The following ANKRD46 variants were observed in gnomAD, a reference collection of about 807,000 sequenced individuals.
ANKRD46 encodes ankyrin repeat domain 46, also known as ankyrin repeat domain-containing protein 46.
A neutral mutation model predicts 19.8 loss-of-function variants in ANKRD46; 13 were observed. The observed-to-expected ratio is 0.66, with a 90% CI of 0.43 to 1.04. The LOEUF is 1.04. Among genes scored for constraint, ANKRD46 ranks in the 50% least tolerant of loss-of-function variants. The pLI, the probability that ANKRD46 is intolerant of heterozygous loss-of-function variation, is 0.00. For synonymous variants in ANKRD46, 91 were observed against 106.9 expected (o/e 0.85, Z 0.92); for missense variants, 185 against 274.8 (o/e 0.67, Z 2.31).
downstream of ANKRD46, among the ~76,000 whole-genome samples, chr8:100,519,434 T>G (rs542199096): frequency 6.6e-6 from 1 of 152,356 alleles, no homozygotes; most frequent in African/African-American, 2.4e-5. Flanking sequence ...CTAAAGATTC[T>G]GGATGATGTC....
chr8:100,547,075 G>A (rs1409413633), intron 1 of ANKRD46, among the ~76,000 whole-genome samples: 2 of 152,180 alleles, frequency 1.3e-5, no homozygotes, highest in Non-Finnish European at 2.9e-5. Context: ...TTTGGACTTG[G>A]ACTTTAGGTT....
chr8:100,549,154 CA>C (rs1271242655), intron 1 of ANKRD46, among the ~76,000 whole-genome samples: 7 of 143,594 alleles, frequency 4.9e-5, no homozygotes, highest in African/African-American at 1.8e-4. Flanking sequence ...TTTTTTAAAA[CA>C]TATGGGGTCT....
At chr8:100,528,605 T>C (rs974664622) in intron 3 of ANKRD46, among the ~76,000 whole-genome samples, 2 of 152,036 alleles carry the variant, frequency 1.3e-5, no homozygotes, top group African/African-American at 4.8e-5. Flanking sequence ...GATTCATTCT[T>C]ATTTGATATT....
At chr8:100,528,425 A>G (rs1479650138) in intron 3 of ANKRD46, among the ~76,000 whole-genome samples, 1 of 152,178 alleles carries the variant, frequency 6.6e-6, no homozygotes. Flanking sequence ...ACCAAGGGGA[A>G]AAAAAGGATG....
At position 100,529,723 on chromosome 8, in the gene ANKRD46, G is replaced by A. The variant is rs1405625572; in HGVS notation, c.111C>T (p.Asp37=). Residue 37 remains aspartate, a synonymous_variant, in exon 3 of 5, where the codon GAC becomes GAT. Transcript: ENST00000335659. This position sits in a 1 kb window ranked among gnomAD's most constrained non-coding sequence, Gnocchi z 5.8. ...YSKRLLESGF[D]PNIRDSRGRT... Reference sequence around the variant, plus strand: ...TGCCCCTGCTGTCACGAATATTTGGGTCAAAGCCACTTTCCAAAAGCCGCT... The same window carrying A: ...TGCCCCTGCTGTCACGAATATTTGGATCAAAGCCACTTTCCAAAAGCCGCT... The A allele has an allele frequency of 1.2e-6, 2 of 1,614,196 alleles. No individual in the cohort carries two copies. Among genetic ancestry groups the A allele is most frequent in the East Asian group, 2.2e-5 (1 of 44,888 alleles).
chr8:100,519,181 C>A (rs1223997910), downstream of ANKRD46, among the ~76,000 whole-genome samples: 3 of 152,188 alleles, frequency 2.0e-5, no homozygotes, highest in Non-Finnish European at 4.4e-5. Context: ...GTTCATCAAT[C>A]CAGGCCTAAG....
intron 1 of ANKRD46, among the ~76,000 whole-genome samples, chr8:100,553,505 C>T (rs1347080963): frequency 6.6e-6 from 1 of 152,136 alleles, no homozygotes; most frequent in South Asian, 2.1e-4. Flanking sequence ...GTAATCCTAG[C>T]ACTTTGGGAG....
rs1187875798 is a variant in ANKRD46, at chr8:100,543,623, CT to C, written c.-130-10313del. ...CTTCAAACAATAGGAGAGTAAGTTT[CT>C]TGTTTTTAAATAAATAAATTACACT... On this transcript the variant is annotated intron_variant, in intron 1 of 4. Coordinates refer to ENST00000335659, the MANE Select transcript of ANKRD46 (RefSeq NM_001270377.2). This position sits in a 1 kb window ranked among gnomAD's most constrained non-coding sequence, Gnocchi z 4.2. 1.3e-5 allele frequency among the ~76,000 whole-genome samples: 2 copies of C among 152,066 alleles called. No homozygotes were observed. The highest frequency in any genetic ancestry group is 3.8e-4 in the East Asian group (2 of 5,198).
chr8:100,514,039 T>C (rs185016939), intron 5 of ANKRD46, among the ~76,000 whole-genome samples: 16 of 152,370 alleles, frequency 1.1e-4, no homozygotes, highest in African/African-American at 3.4e-4. Context: ...GTAACTTTTA[T>C]TGTGGCAGAG....
chr8:100,521,849 T>C lies in ANKRD46; in HGVS notation c.*706A>G. ...TAGGATACTCGGGAAAATTGGAAAG[T>C]GAACAAAATGAACTCATTTATTTTT... On this transcript the variant is annotated 3_prime_UTR_variant, in exon 5 of 5. Transcript: ENST00000335659. The C allele has an allele frequency of 1.0e-6, 1 of 985,186 alleles. No homozygotes were observed. The highest frequency in any genetic ancestry group is 1.2e-6 in the Non-Finnish European group (1 of 829,682). The allele number at this position is 985,186 out of a possible 1,614,324, so 61.0% of individuals were successfully genotyped here.
chr8:100,552,019 G>A (rs1753527113), intron 1 of ANKRD46, among the ~76,000 whole-genome samples: 1 of 151,886 alleles, frequency 6.6e-6, no homozygotes, highest in African/African-American at 2.4e-5. Context: ...GTGTGGTGGT[G>A]TGCACCTGTA....
rs927806333 is a variant in ANKRD46 at position 100,511,431 on chromosome 8, C to G, written c.637-792G>C. Among the ~76,000 whole-genome samples the G allele has an allele frequency of 1.3e-5, 2 of 151,066 alleles. No individual in the cohort carries two copies. The highest frequency in any genetic ancestry group is 2.9e-5 in the Non-Finnish European group (2 of 67,980). On this transcript the variant is annotated intron_variant, in intron 5 of 5. Transcript: ENST00000520552. This position sits in a 1 kb window ranked among gnomAD's most constrained non-coding sequence, Gnocchi z 4.1. ...TATCTGGTAAATGGTGAGGTAGACA[C>G]CAAGTTGTGTGTGTGTGTGTGTGTG... is the stretch of plus-strand genomic sequence containing the variant.
At position 100,528,005 on chromosome 8, in the gene ANKRD46, T is replaced by TAACAAA; in HGVS notation, c.312-3_312-2insTTTGTT. On this transcript the variant is annotated splice_region_variant and splice_polypyrimidine_tract_variant and intron_variant, in intron 3 of 4. Coordinates refer to ENST00000335659, the MANE Select transcript of ANKRD46 (RefSeq NM_001270377.2). The stretch of plus-strand genomic sequence containing the variant: ...AAAGGGGTAGCACCTTGATGATTGC[T>TAACAAA]AAAAAAAAAAAAAAAAAAAAAAGTT... 1 of 1,164,228 alleles carries TAACAAA rather than the reference T, an allele frequency of 8.6e-7. No individual in the cohort carries two copies. Among genetic ancestry groups the TAACAAA allele is most frequent in the South Asian group, 2.9e-5 (1 of 33,914 alleles). The allele number at this position is 1,164,228 out of a possible 1,614,324, so 72.1% of individuals were successfully genotyped here.
Position 100,521,601 on chromosome 8 carries a change from T to C in ANKRD46, c.*954A>G. On this transcript the variant is annotated 3_prime_UTR_variant, in exon 5 of 5. Transcript: ENST00000335659. ...CAGAGAATTACAGATATGGATGGGA[T>C]TGTTAAAAGTCTAACAGGGCCTCCA... 2 of 985,454 alleles carry C rather than the reference T, an allele frequency of 2.0e-6. No homozygotes were observed. Among genetic ancestry groups the C allele is most frequent in the Non-Finnish European group, 2.4e-6 (2 of 829,928 alleles). The allele number at this position is 985,454 out of a possible 1,614,324, so 61.0% of individuals were successfully genotyped here. A position where few individuals can be genotyped will look rare whatever the true frequency, so the allele number is the denominator to read the frequency against.
In ANKRD46 at chr8:100,529,951, T is replaced by C. The variant is rs1811923956; in HGVS notation, c.-27-91A>G. 1.0e-6 allele frequency: 1 copy of C among 976,716 alleles called. No homozygotes were observed. Among genetic ancestry groups the C allele is most frequent in the East Asian group, 2.6e-5 (1 of 37,968 alleles). The allele number at this position is 976,716 out of a possible 1,614,324, so 60.5% of individuals were successfully genotyped here. ...GAAAAGCAATATTTCTCATCCTTTT[T>C]GGCCTCCTGCCTCTAATAAATAAAT... On this transcript the variant is annotated intron_variant, in intron 2 of 4. Coordinates refer to ENST00000335659, the MANE Select transcript of ANKRD46 (RefSeq NM_001270377.2). The surrounding 1 kb of genome is among the most constrained non-coding windows in gnomAD (Gnocchi z 5.8).
Position 100,529,659 on chromosome 8 carries a change from C to G in ANKRD46, c.175G>C (p.Asp59His). 4 of 1,614,252 alleles carry G rather than the reference C, an allele frequency of 2.5e-6. No homozygotes were observed. In the South Asian group the frequency reaches 4.4e-5, roughly 18 times the overall value. ...AATTTATGCAGTAACTGGCAGATGT[C>G]TACATTCCCTCGAGCTGCTGCAAGG... ...LHLAAARGNV[D>H]ICQLLHKFGA... Residue 59 changes from aspartate to histidine, a missense_variant, in exon 3 of 5, where the codon GAC becomes CAC. Asp to His is a moderately conservative substitution (Grantham distance 81). Coordinates refer to ENST00000335659, the MANE Select transcript of ANKRD46 (RefSeq NM_001270377.2). The surrounding 1 kb of genome is among the most constrained non-coding windows in gnomAD (Gnocchi z 5.8).
chr8:100,538,239 G>A (rs1586792587), intron 1 of ANKRD46, among the ~76,000 whole-genome samples: 1 of 151,672 alleles, frequency 6.6e-6, no homozygotes. Flanking sequence ...AAATAAATAT[G>A]AAAAAAAAGA....
At chr8:100,515,704 G>C (rs937940205) in intron 5 of ANKRD46, among the ~76,000 whole-genome samples, 14 of 151,880 alleles carry the variant, frequency 9.2e-5, no homozygotes, top group Non-Finnish European at 1.6e-4. Flanking sequence ...GGGGCAGTAT[G>C]GAAGAGGGAA....
At chr8:100,539,026 C>T (rs62515190) in intron 1 of ANKRD46, among the ~76,000 whole-genome samples, 7,667 of 152,242 alleles carry the variant, frequency 0.05, 302 homozygotes, top group Non-Finnish European at 0.074. Context: ...TTTTGTGATG[C>T]AGATGAAAGC....
Sources: gnomAD v4.1 joint callset for allele counts (sites outside exome capture counted in the v4.1 genomes callset) on GRCh38, gnomAD v4.1.1 for gene constraint, Gnocchi (gnomAD v3.1) non-coding constraint, MANE v1.5 for transcripts, NCBI Gene and HGNC (gene_info 2026-07-23, HGNC 2026-07-21) for gene names.